The following LRRC9 variants were observed in gnomAD, a reference collection of about 807,000 sequenced individuals.
LRRC9 encodes leucine-rich repeat-containing protein 9.
LRRC9 carries 122 observed loss-of-function variants against 63.2 expected under a neutral mutation model. That is an observed-to-expected ratio of 1.93 (90% CI 1.67 to 2.24). The LOEUF is 2.24. LRRC9 is among the 30% of genes most tolerant of loss of function. The probability of loss-of-function intolerance (pLI) is 0.00; values close to 1 mark genes in which losing one functional copy is unlikely to be tolerated. For missense variants in LRRC9, 1,071 were observed against 627.7 expected (o/e 1.71, Z -7.55); for synonymous variants, 366 against 213.1 (o/e 1.72, Z -6.25).
chr14:59,995,640 A>C (rs1290135922), intron 17 of LRRC9, among the ~76,000 whole-genome samples: 1 of 152,224 alleles, frequency 6.6e-6, no homozygotes, highest in Non-Finnish European at 1.5e-5. Context: ...ATGACTATTT[A>C]ATGAGTTCCT....
At chr14:60,028,147 C>T (rs1595060963) in intron 28 of LRRC9, 46 bp downstream of exon 28, 1 of 658,488 alleles carries the variant, frequency 1.5e-6, no homozygotes, top group Middle Eastern at 2.8e-4. Flanking sequence ...GCTTTAGTTT[C>T]TCTGAGTTCT....
At chr14:59,920,750 G>A (rs929736214) in intron 1 of LRRC9, among the ~76,000 whole-genome samples, 4 of 152,158 alleles carry the variant, frequency 2.6e-5, no homozygotes, top group Admixed American at 6.5e-5. Context: ...CAACTCTCAC[G>A]GCAGACAGAA....
At chr14:60,005,448 A>G (rs545248027) in intron 21 of LRRC9, among the ~76,000 whole-genome samples, 3 of 152,000 alleles carry the variant, frequency 2.0e-5, no homozygotes, top group Non-Finnish European at 4.4e-5. Context: ...TTTTTCTTAC[A>G]CCTATATTTT....
At chr14:59,999,364 C>G in intron 19 of LRRC9, 138 bp downstream of exon 19, 1 of 483,320 alleles carries the variant, frequency 2.1e-6, no homozygotes, top group South Asian at 3.8e-5. Context: ...AATCATACCA[C>G]TTGGTATTTT....
chr14:60,042,022 C>CTGTTTG lies in LRRC9; in HGVS notation c.3990+9959_3990+9960insTGTTTG, dbSNP rs1892993286. Among the ~76,000 whole-genome samples, 1 of 152,200 alleles carries CTGTTTG rather than the reference C, an allele frequency of 6.6e-6. No individual in the cohort carries two copies. The highest frequency in any genetic ancestry group is 2.1e-4 in the South Asian group (1 of 4,832). On this transcript the variant is annotated intron_variant, in intron 29 of 31. Transcript: ENST00000445360. The surrounding 1 kb of genome is among the most constrained non-coding windows in gnomAD (Gnocchi z 4.2). ...GAGTTTGCTGGAGGTCCACTCCAGA[C>CTGTTTG]CCTGTTTGCCTGGGTATCACCAGCG...
At position 59,923,557 on chromosome 14, in the gene LRRC9, G is replaced by T. The variant is rs1177121106; in HGVS notation, c.-34+3674G>T. ...ACAAAATAATCCTAAATTTTATTTG[G>T]AAAAATAAATATGGAAGAATATCCA... On this transcript the variant is annotated intron_variant, in intron 1 of 31. Coordinates refer to ENST00000445360, the Ensembl canonical transcript of LRRC9. This position sits in a 1 kb window ranked among gnomAD's most constrained non-coding sequence, Gnocchi z 4.2. 6.6e-6 allele frequency among the ~76,000 whole-genome samples: 1 copy of T among 152,100 alleles called. No individual in the cohort carries two copies. The highest frequency in any genetic ancestry group is 1.5e-5 in the Non-Finnish European group (1 of 68,014).
At chr14:60,040,192 T>C (rs1397148086) in intron 29 of LRRC9, among the ~76,000 whole-genome samples, 1 of 152,106 alleles carries the variant, frequency 6.6e-6, no homozygotes, top group Middle Eastern at 3.4e-3. Context: ...ATGTGGTACA[T>C]TTTGGAATAA....
intron 29 of LRRC9, among the ~76,000 whole-genome samples, chr14:60,041,058 G>C (rs371829326): frequency 1.8e-4 from 27 of 151,916 alleles, no homozygotes; most frequent in South Asian, 6.2e-4. Flanking sequence ...GTTGAAAATT[G>C]TTTTCTTTAA....
intron 5 of LRRC9, 36 bp from the exon 6 acceptor site, chr14:59,931,933 T>C (rs1889738145): frequency 1.4e-6 from 1 of 695,574 alleles, no homozygotes; most frequent in Non-Finnish European, 2.6e-6. Context: ...GAACAGAAGG[T>C]AAAATAATTG....
intron 15 of LRRC9, among the ~76,000 whole-genome samples, chr14:59,978,736 A>G (rs1446978202): frequency 6.6e-6 from 1 of 152,214 alleles, no homozygotes; most frequent in Non-Finnish European, 1.5e-5. Flanking sequence ...ATTTCAGTGA[A>G]CATCATTGTA....
chr14:60,009,386 AGCATGT>A (rs1890073403), intron 23 of LRRC9, among the ~76,000 whole-genome samples: 2 of 152,210 alleles, frequency 1.3e-5, no homozygotes, highest in Non-Finnish European at 2.9e-5. Flanking sequence ...CAGGCAAGAG[AGCATGT>A]GCAAAGGAAC....
chr14:59,983,006 C>T (rs957846575), intron 16 of LRRC9, among the ~76,000 whole-genome samples: 7 of 152,202 alleles, frequency 4.6e-5, no homozygotes, highest in East Asian at 1.9e-4. Flanking sequence ...TACTTTATGC[C>T]GAGACAATTC....
intron 8 of LRRC9, among the ~76,000 whole-genome samples, chr14:59,956,898 G>A (rs149668973): frequency 1.7e-4 from 26 of 152,182 alleles, no homozygotes; most frequent in African/African-American, 6.0e-4. Context: ...AGCTTAGTTT[G>A]GCTGGATACA....
At chr14:59,951,515 A>G (rs1883113689) in intron 8 of LRRC9, among the ~76,000 whole-genome samples, 1 of 143,962 alleles carries the variant, frequency 6.9e-6, no homozygotes, top group Non-Finnish European at 1.5e-5. Context: ...ATCATTCTCC[A>G]TCCAGCTTTG....
At chr14:60,002,218 A>G (rs1889435653) in intron 20 of LRRC9, 118 bp downstream of exon 20, 1 of 492,560 alleles carries the variant, frequency 2.0e-6, no homozygotes. Flanking sequence ...AAGCTGGAAG[A>G]GATTAATTAA....
At chr14:59,977,939 T>C (rs1425692602) in intron 14 of LRRC9, 78 bp from the exon 15 acceptor site, 1 of 590,104 alleles carries the variant, frequency 1.7e-6, no homozygotes, top group East Asian at 2.9e-5. Flanking sequence ...TGTTAATTAT[T>C]AAACTATGTA....
intron 8 of LRRC9, among the ~76,000 whole-genome samples, chr14:59,952,354 C>T (rs1027829515): frequency 3.9e-5 from 6 of 152,310 alleles, no homozygotes; most frequent in East Asian, 1.9e-4. Flanking sequence ...CGCCTTGCTT[C>T]GGCTCGCGCA....
intron 6 of LRRC9, among the ~76,000 whole-genome samples, chr14:59,937,625 A>C (rs1438153338): frequency 1.3e-5 from 2 of 152,308 alleles, no homozygotes; most frequent in East Asian, 3.9e-4. Flanking sequence ...AATTGGTTCA[A>C]TATGGCTAAA....
chr14:59,962,770 G>C lies in LRRC9; in HGVS notation c.1211+1725G>C, dbSNP rs1884474496. 6.8e-6 allele frequency among the ~76,000 whole-genome samples: 1 copy of C among 146,546 alleles called. No individual in the cohort carries two copies. The highest frequency in any genetic ancestry group is 2.5e-5 in the African/African-American group (1 of 39,968). ...TTGCAGAGGAAACTCTTTGCAACAA[G>C]TGGATTAGTGAAAAAAAAAAAAATG... is the stretch of plus-strand genomic sequence containing the variant. On this transcript the variant is annotated intron_variant, in intron 10 of 31. Transcript: ENST00000445360. The surrounding 1 kb of genome is among the most constrained non-coding windows in gnomAD (Gnocchi z 5.1).
Sources: allele counts gnomAD v4.1 joint callset (sites outside exome capture counted in the v4.1 genomes callset), GRCh38; gene constraint gnomAD v4.1.1; non-coding constraint Gnocchi (gnomAD v3.1); transcripts MANE v1.5; gene names NCBI Gene and HGNC (gene_info 2026-07-23, HGNC 2026-07-21).